The following PPP1R12B variants were observed in gnomAD, a reference collection of about 807,000 sequenced individuals.
PPP1R12B encodes the protein myosin phosphatase target subunit 2.
PPP1R12B carries 76 observed loss-of-function variants against 126.1 expected under a neutral mutation model. The observed-to-expected ratio is 0.60, with a 90% confidence interval of 0.50 to 0.73. The LOEUF is 0.73. Ranked by LOEUF, PPP1R12B falls within the 30% of genes least tolerant of loss-of-function variation. The pLI is 0.00. For missense variants in PPP1R12B, 1,052 were observed against 1,205.1 expected, an observed-to-expected ratio of 0.87 and a Z score of 1.88; for synonymous variants, 356 against 434.7, an observed-to-expected ratio of 0.82 and a Z score of 2.25.
chr1:202,381,400 GT>G (rs1662246143), intron 1 of PPP1R12B, among the ~76,000 whole-genome samples: 1 of 140,288 alleles, frequency 7.1e-6, no homozygotes, highest in African/African-American at 2.8e-5. Flanking sequence ...GCTTTGGGGT[GT>G]GTGTGTGTGT....
At chr1:202,522,779 A>G (rs1488151308) in intron 18 of PPP1R12B, among the ~76,000 whole-genome samples, 5 of 152,198 alleles carry the variant, frequency 3.3e-5, no homozygotes. Context: ...CATTTGAAAC[A>G]TGAACATGTT....
rs1469427678 is a variant in PPP1R12B at position 202,488,558 on chromosome 1, G to A, written c.1876G>A (p.Glu626Lys). The A allele has an allele frequency of 2.5e-6, 4 of 1,612,384 alleles. No homozygotes were observed. Among genetic ancestry groups the A allele is most frequent in the East Asian group, 2.2e-5 (1 of 44,870 alleles). The change falls in exon 14 of 24, where the codon GAG becomes AAG. Residue 626 changes from glutamate (E) to lysine (K), a missense_variant. Physicochemically the swap from Glu to Lys is moderately conservative, Grantham distance 56. Transcript: ENST00000608999. ...GTCCTATCTGACTCCTGTACGGGAT[G>A]AGGAAGCAGAGTCTTTACGGAAAGC... The part of the protein sequence containing the change: ...RRSYLTPVRD[E>K]EAESLRKARS...
At chr1:202,439,852 C>A (rs1671377246) in intron 10 of PPP1R12B, 1 of 351,158 alleles carries the variant, frequency 2.8e-6, no homozygotes, top group Non-Finnish European at 5.5e-6. Context: ...AGTTTCTCCT[C>A]AACAGGTTTG....
At chr1:202,392,797 G>T (rs1263688873) in intron 1 of PPP1R12B, among the ~76,000 whole-genome samples, 1 of 151,932 alleles carries the variant, frequency 6.6e-6, no homozygotes, top group Non-Finnish European at 1.5e-5. Context: ...ATAAGTGCTG[G>T]GATTACAGGC....
intron 23 of PPP1R12B, chr1:202,576,043 A>G (rs1043020555): frequency 1.3e-5 from 2 of 152,262 alleles, no homozygotes. Context: ...CCCGTCACAA[A>G]TCTTTGGGCC....
At position 202,580,479 on chromosome 1, in the gene PPP1R12B, A is replaced by G. The variant is rs770945495; in HGVS notation, c.2868A>G (p.Leu956=). Residue 956 remains leucine (L), a synonymous_variant, in exon 24 of 24, where the codon TTA becomes TTG. Transcript: ENST00000608999. ...MSEMEEEMKV[L]TELKSDNQRL... The stretch of plus-strand genomic sequence containing the variant: ...TTCCCTCTGTCACCCTACAGGTGTT[A>G]ACAGAACTGAAATCCGACAACCAGA... 4.3e-6 allele frequency: 7 copies of G among 1,613,264 alleles called. No individual in the cohort carries two copies. In the African/African-American group the frequency reaches 9.3e-5, roughly 22 times the overall value.
chr1:202,496,967 G>A, intron 18 of PPP1R12B, 145 bp downstream of exon 18: 1 of 768,412 alleles, frequency 1.3e-6, no homozygotes. Context: ...AGATGGGGCA[G>A]GTGTTAGTTT....
chr1:202,578,388 C>A (rs764298916), intron 23 of PPP1R12B, among the ~76,000 whole-genome samples: 1 of 152,114 alleles, frequency 6.6e-6, no homozygotes, highest in Non-Finnish European at 1.5e-5. Context: ...CAGCATGGGG[C>A]GTTAAAGAGC....
intron 1 of PPP1R12B, among the ~76,000 whole-genome samples, chr1:202,390,678 TTC>T (rs942468309): frequency 1.3e-5 from 2 of 151,414 alleles, no homozygotes; most frequent in Non-Finnish European, 2.9e-5. Context: ...TTTTTTTTTT[TTC>T]ATATGGGTTT....
chr1:202,444,695 C>A (rs1452026772), intron 12 of PPP1R12B, among the ~76,000 whole-genome samples: 1 of 152,176 alleles, frequency 6.6e-6, no homozygotes, highest in Non-Finnish European at 1.5e-5. Context: ...ATAAAATTAT[C>A]CTTTTTCCTA....
intron 13 of PPP1R12B, among the ~76,000 whole-genome samples, chr1:202,452,583 G>A (rs1364295463): frequency 6.6e-6 from 1 of 151,966 alleles, no homozygotes; most frequent in Non-Finnish European, 1.5e-5. Flanking sequence ...AGAGGAGGAG[G>A]GGGAGGGGGA....
At chr1:202,351,201 T>G (rs1364733351) in intron 1 of PPP1R12B, among the ~76,000 whole-genome samples, 1 of 149,318 alleles carries the variant, frequency 6.7e-6, no homozygotes. Flanking sequence ...TCTCCATGAC[T>G]TGGAGAAGTT....
At chr1:202,506,847 A>C (rs1190174383) in intron 18 of PPP1R12B, among the ~76,000 whole-genome samples, 1 of 152,208 alleles carries the variant, frequency 6.6e-6, no homozygotes, top group Non-Finnish European at 1.5e-5. Context: ...AAGCAGCAGG[A>C]GAATTGCTAA....
At chr1:202,462,461 C>T (rs760872950) in intron 13 of PPP1R12B, among the ~76,000 whole-genome samples, 9 of 152,080 alleles carry the variant, frequency 5.9e-5, no homozygotes, top group Non-Finnish European at 1.0e-4. Context: ...CCTCAGGACA[C>T]GTGCATTTAG....
intron 13 of PPP1R12B, among the ~76,000 whole-genome samples, chr1:202,470,767 T>C (rs1261152439): frequency 2.0e-5 from 3 of 151,956 alleles, no homozygotes; most frequent in Admixed American, 2.0e-4. Context: ...TAGCCAGGCC[T>C]GGGAGCCTGT....
intron 1 of PPP1R12B, among the ~76,000 whole-genome samples, chr1:202,368,047 G>A (rs1659557091): frequency 6.6e-6 from 1 of 151,872 alleles, no homozygotes; most frequent in African/African-American, 2.4e-5. Context: ...TCAGCTCACT[G>A]CAACCTCCGC....
intron 2 of PPP1R12B, among the ~76,000 whole-genome samples, 176 bp from the exon 3 acceptor site, chr1:202,422,444 C>A (rs1327751759): frequency 6.6e-6 from 1 of 152,112 alleles, no homozygotes; most frequent in South Asian, 2.1e-4. Flanking sequence ...AATGGGGAAG[C>A]CTTCAGTCTT....
chr1:202,394,646 C>T (rs1255942341), intron 1 of PPP1R12B, among the ~76,000 whole-genome samples: 1 of 151,706 alleles, frequency 6.6e-6, no homozygotes, highest in African/African-American at 2.4e-5. Context: ...CCTAGCTGCT[C>T]AGGAGGCTGA....
In PPP1R12B at chr1:202,565,878, TC is replaced by T. The variant is rs773976928; in HGVS notation, c.2757+1333del. Among the ~76,000 whole-genome samples, 69 of 150,502 alleles carry T rather than the reference TC, an allele frequency of 4.6e-4. No individual in the cohort carries two copies. Among genetic ancestry groups the T allele is most frequent in the Non-Finnish European group, 5.2e-4 (35 of 67,812 alleles). On this transcript the variant is annotated intron_variant, in intron 21 of 23. Coordinates refer to ENST00000608999, the MANE Select transcript of PPP1R12B (RefSeq NM_002481.4). The surrounding 1 kb of genome is among the most constrained non-coding windows in gnomAD (Gnocchi z 4.3). ...GCGGGGTGGACTGAATAAATCTCAC[TC>T]CAACATTATTGAGCCAGGCAAAAAA...
Sources: allele counts gnomAD v4.1 joint callset (sites outside exome capture counted in the v4.1 genomes callset), GRCh38; gene constraint gnomAD v4.1.1; non-coding constraint Gnocchi (gnomAD v3.1); transcripts MANE v1.5; gene names NCBI Gene and HGNC (gene_info 2026-07-23, HGNC 2026-07-21).